The following PRRX1 variants were observed in gnomAD, a reference collection of about 807,000 sequenced individuals.
PRRX1 encodes the protein paired mesoderm homeobox protein 1.
In PRRX1, 8 loss-of-function variants were observed where a neutral mutation model predicts 24.0. That is an observed-to-expected ratio of 0.33 (90% CI 0.20 to 0.60). The LOEUF (loss-of-function observed/expected upper bound fraction) is 0.60. Ranked by LOEUF, PRRX1 falls within the 20% of genes least tolerant of loss-of-function variation. The probability of loss-of-function intolerance (pLI) is 0.82; values close to 1 mark genes in which losing one functional copy is unlikely to be tolerated. For synonymous variants in PRRX1, 160 were observed against 131.7 expected, an observed-to-expected ratio of 1.22 and a Z score of -1.47; for missense variants, 281 against 322.4, an observed-to-expected ratio of 0.87 and a Z score of 0.98.
chr1:170,666,190 G>A (rs1160213044), intron 1 of PRRX1, among the ~76,000 whole-genome samples: 1 of 152,138 alleles, frequency 6.6e-6, no homozygotes, highest in African/African-American at 2.4e-5. Flanking sequence ...GGAGGCCGAG[G>A]CGGGCAGATC....
intron 1 of PRRX1, chr1:170,668,914 T>C (rs1653043095): frequency 6.6e-6 from 1 of 152,026 alleles, no homozygotes; most frequent in Admixed American, 6.6e-5. Context: ...TTAGAGGAGG[T>C]GAAATACAGG....
chr1:170,728,684 A>G (rs1454838831), intron 3 of PRRX1: 1 of 152,222 alleles, frequency 6.6e-6, no homozygotes, highest in Non-Finnish European at 1.5e-5. Flanking sequence ...TGATGTTAAA[A>G]CAATAATTTA....
chr1:170,726,353 C>T lies in PRRX1; in HGVS notation c.551C>T (p.Ala184Val), dbSNP rs1655254931. ...GAGCAGCCCATCGTACCTCGTCCTG[C>T]TCCGAGACCCACCGATTATCTCTCC... ...AVEQPIVPRP[A>V]PRPTDYLSWG... is the part of the protein sequence containing the mutation. The change falls in exon 3 of 4, where the codon GCT becomes GTT. Residue 184 changes from alanine to valine, a missense_variant. Transcript: ENST00000239461. 2 of 1,614,134 alleles carry T rather than the reference C, an allele frequency of 1.2e-6. No homozygotes were observed. Among genetic ancestry groups the T allele is most frequent in the South Asian group, 2.2e-5 (2 of 91,076 alleles).
At chr1:170,689,136 T>C (rs1653844032) in intron 1 of PRRX1, among the ~76,000 whole-genome samples, 1 of 152,150 alleles carries the variant, frequency 6.6e-6, no homozygotes, top group Non-Finnish European at 1.5e-5. Context: ...CTAACTTCTT[T>C]GGGCAGTAAT....
chr1:170,680,993 G>A (rs1314661864), intron 1 of PRRX1, among the ~76,000 whole-genome samples: 3 of 152,200 alleles, frequency 2.0e-5, no homozygotes, highest in Non-Finnish European at 4.4e-5. Flanking sequence ...AGGAGACTTC[G>A]GATTTGTCTC....
intron 3 of PRRX1, chr1:170,730,537 C>T (rs943419342): frequency 1.7e-6 from 1 of 580,380 alleles, no homozygotes; most frequent in African/African-American, 1.9e-5. Flanking sequence ...TGATACTAAT[C>T]TAGAGCAGGG....
rs61366812 is a variant in PRRX1, at chr1:170,705,118, C to CT, written c.242-14599dup. Among the ~76,000 whole-genome samples the CT allele has an allele frequency of 4.7e-3, 710 of 151,564 alleles. 2 individuals are homozygous for CT. The highest frequency in any genetic ancestry group is 7.4e-3 in the Non-Finnish European group (502 of 67,848). On this transcript the variant is annotated intron_variant, in intron 1 of 3. Transcript: ENST00000239461. Reference sequence around the variant, plus strand: ...TGATTCACCTTAAATGTACCCCATTCTTTTTTTTTGTCACCACTTTGCCAC... The same window carrying CT: ...TGATTCACCTTAAATGTACCCCATTCTTTTTTTTTTGTCACCACTTTGCCAC...
chr1:170,667,047 A>C (rs1349945243), intron 1 of PRRX1, among the ~76,000 whole-genome samples: 2 of 152,060 alleles, frequency 1.3e-5, no homozygotes, highest in African/African-American at 4.8e-5. Context: ...TGGGGACTGT[A>C]TGTCCCGGGA....
intron 3 of PRRX1, among the ~76,000 whole-genome samples, chr1:170,732,247 T>G (rs768896357): frequency 6.6e-6 from 1 of 152,228 alleles, no homozygotes; most frequent in African/African-American, 2.4e-5. Context: ...CTTTGGACTT[T>G]TAAGAAAACA....
At position 170,695,454 on chromosome 1, in the gene PRRX1, C is replaced by T. The variant is rs1332476853; in HGVS notation, c.242-24272C>T. On this transcript the variant is annotated intron_variant, in intron 1 of 3. Transcript: ENST00000239461. ...TTTAGAACATATTTGACACTAGTGT[C>T]ATTTGTCTGTTGACATACGCTTGGT... Among the ~76,000 whole-genome samples the T allele has an allele frequency of 3.9e-5, 6 of 152,278 alleles. No individual in the cohort carries two copies. In the East Asian group the frequency reaches 1.2e-3, roughly 29 times the overall value.
At chr1:170,694,368 A>G (rs1323735640) in intron 1 of PRRX1, among the ~76,000 whole-genome samples, 1 of 152,182 alleles carries the variant, frequency 6.6e-6, no homozygotes, top group Non-Finnish European at 1.5e-5. Flanking sequence ...GCCTTGCTTC[A>G]AGATTTTCAC....
chr1:170,672,742 A>G (rs556066562), intron 1 of PRRX1, among the ~76,000 whole-genome samples: 1 of 152,372 alleles, frequency 6.6e-6, no homozygotes, highest in South Asian at 2.1e-4. Flanking sequence ...CCAGCACTTC[A>G]GATATATACA....
At chr1:170,709,497 T>A (rs758816957) in intron 1 of PRRX1, among the ~76,000 whole-genome samples, 3 of 152,204 alleles carry the variant, frequency 2.0e-5, no homozygotes, top group Non-Finnish European at 2.9e-5. Context: ...TGCAGTGTTT[T>A]CTAACCTTGC....
chr1:170,732,305 G>A (rs534422797), intron 3 of PRRX1, among the ~76,000 whole-genome samples: 7 of 152,270 alleles, frequency 4.6e-5, no homozygotes, highest in East Asian at 1.9e-4. Flanking sequence ...AGAAGTCTCC[G>A]TGACATGGAA....
intron 1 of PRRX1, among the ~76,000 whole-genome samples, chr1:170,680,455 C>T (rs1053245066): frequency 2.0e-5 from 3 of 152,142 alleles, no homozygotes; most frequent in African/African-American, 7.2e-5. Context: ...CATCTGGGAT[C>T]CTTTGGTGAC....
intron 2 of PRRX1, chr1:170,722,818 G>A (rs923295189): frequency 1.3e-5 from 2 of 152,180 alleles, no homozygotes; most frequent in African/African-American, 4.8e-5. Context: ...AAATATATGG[G>A]CTTTGATACC....
intron 2 of PRRX1, among the ~76,000 whole-genome samples, chr1:170,720,565 C>T (rs1655049477): frequency 1.3e-5 from 2 of 152,172 alleles, no homozygotes. Flanking sequence ...CCTTAGATTT[C>T]AATCTGATCT....
chr1:170,730,572 G>C, intron 3 of PRRX1: 1 of 516,856 alleles, frequency 1.9e-6, no homozygotes, highest in Non-Finnish European at 3.5e-6. Context: ...CTGTGCACAG[G>C]AAACATCTGG....
intron 2 of PRRX1, among the ~76,000 whole-genome samples, chr1:170,725,585 T>C (rs2101921845): frequency 1.3e-5 from 2 of 152,312 alleles, no homozygotes; most frequent in South Asian, 4.2e-4. Context: ...GTGTTCTACG[T>C]TAGTCTTAGT....
Sources: allele counts gnomAD v4.1 joint callset (sites outside exome capture counted in the v4.1 genomes callset), GRCh38; gene constraint gnomAD v4.1.1; transcripts MANE v1.5; gene names NCBI Gene and HGNC (gene_info 2026-07-23, HGNC 2026-07-21).